FRMD8: variants seen among roughly 807,000 people sequenced by gnomAD.
The protein encoded by FRMD8 is FERM domain containing 8, also known as FERM domain-containing protein 8.
Under a neutral mutation model 54.2 loss-of-function variants are expected in FRMD8, and 37 were observed. That is an observed-to-expected ratio of 0.68 (90% CI 0.53 to 0.90). The LOEUF (loss-of-function observed/expected upper bound fraction) is 0.90, where lower values mean the gene tolerates loss of function less well. Among genes scored for constraint, FRMD8 ranks in the 40% least tolerant of loss-of-function variants. The pLI, the probability that FRMD8 is intolerant of heterozygous loss-of-function variation, is 0.00. For synonymous variants in FRMD8, 246 were observed against 286.9 expected (o/e 0.86, Z 1.44); for missense variants, 585 against 653.7 (o/e 0.89, Z 1.15).
chr11:65,370,428 G>A, the FRMD8 span, among the ~76,000 whole-genome samples: 3 of 146,600 alleles, frequency 2.0e-5, no homozygotes, highest in Admixed American at 6.7e-5. Flanking sequence ...TGGGCCAGGC[G>A]CGGTGGCTCA....
At chr11:65,380,345 C>A in the FRMD8 span, 2 of 1,023,500 alleles carry the variant, frequency 2.0e-6, no homozygotes, top group Non-Finnish European at 2.8e-6. Context: ...GCCCCTGCCA[C>A]CCCCTCCACA....
intron 10 of FRMD8, among the ~76,000 whole-genome samples, chr11:65,407,355 G>A (rs747093900): frequency 4.0e-5 from 6 of 151,730 alleles, no homozygotes; most frequent in Non-Finnish European, 7.4e-5. Context: ...GGGTTCAAGC[G>A]ATTCTCCTGC....
At chr11:65,377,179 A>G in the FRMD8 span, 1 of 1,478,936 alleles carries the variant, frequency 6.8e-7, no homozygotes, top group African/African-American at 1.4e-5. Flanking sequence ...CACATCTTCC[A>G]GTCCCTCAGG....
At chr11:65,409,659 G>C (rs1856286168) in intron 10 of FRMD8, among the ~76,000 whole-genome samples, 1 of 151,922 alleles carries the variant, frequency 6.6e-6, no homozygotes, top group Non-Finnish European at 1.5e-5. Flanking sequence ...CCAGCTAGTT[G>C]GGAGGCTGAG....
At chr11:65,382,098 G>A, upstream of FRMD8, 1 of 722,324 alleles carries the variant, frequency 1.4e-6, no homozygotes. The surrounding 1 kb of genome is among the most constrained non-coding windows in gnomAD (Gnocchi z 4.4). Flanking sequence ...CAGACCTCCG[G>A]CAACTGGCAG....
At chr11:65,385,981 A>G (rs1392459602), upstream of FRMD8, among the ~76,000 whole-genome samples, 6 of 152,040 alleles carry the variant, frequency 3.9e-5, no homozygotes, top group African/African-American at 1.4e-4. Flanking sequence ...TATTTTTAGT[A>G]GAGACGGGGT....
At chr11:65,408,157 C>T (rs1297832950) in intron 10 of FRMD8, among the ~76,000 whole-genome samples, 2 of 151,478 alleles carry the variant, frequency 1.3e-5, no homozygotes, top group East Asian at 3.9e-4. Context: ...TCACCGCAAC[C>T]TCCACCTCCC....
At position 65,411,615 on chromosome 11, in the gene FRMD8, T is replaced by C; in HGVS notation, c.*255T>C. 1 of 384,150 alleles carries C rather than the reference T, an allele frequency of 2.6e-6. No individual in the cohort carries two copies. Among genetic ancestry groups the C allele is most frequent in the Non-Finnish European group, 4.7e-6 (1 of 212,818 alleles). 23.8% of individuals were successfully genotyped at this position (384,150 alleles called of 1,614,324 possible). ...CCCCGGATGCTGGGCCCTGCTGCTC[T>C]CTCAGGACCATCCGATCAAGCTGCA... On this transcript the variant is annotated 3_prime_UTR_variant, in exon 11 of 11. Transcript: ENST00000317568.
upstream of FRMD8, chr11:65,386,561 T>G (rs990545987): frequency 1.2e-5 from 2 of 160,330 alleles, no homozygotes; most frequent in African/African-American, 2.4e-5. Context: ...GGGGCGGCCC[T>G]GGGCTCCCAT....
chr11:65,369,303 G>A, the FRMD8 span, among the ~76,000 whole-genome samples: 13 of 152,072 alleles, frequency 8.5e-5, no homozygotes, highest in Non-Finnish European at 1.6e-4. Context: ...GGGCATGTGC[G>A]GCTGGGCACA....
At chr11:65,380,378 C>T in the FRMD8 span, 1 of 932,812 alleles carries the variant, frequency 1.1e-6, no homozygotes, top group Non-Finnish European at 1.6e-6. Context: ...CAGGAAGGCA[C>T]TGGGACAAGG....
the FRMD8 span, chr11:65,380,432 G>T: frequency 9.6e-7 from 1 of 1,042,476 alleles, no homozygotes; most frequent in African/African-American, 1.6e-5. Flanking sequence ...ACCCAAGAGG[G>T]AAGAGCCAGC....
upstream of FRMD8, chr11:65,381,702 G>T: frequency 1.8e-6 from 1 of 560,838 alleles, no homozygotes; most frequent in Middle Eastern, 5.1e-4. Flanking sequence ...CTACAGGTGT[G>T]AGCCACCATG....
chr11:65,390,358 G>A (rs1855819338), intron 3 of FRMD8, among the ~76,000 whole-genome samples: 1 of 152,206 alleles, frequency 6.6e-6, no homozygotes, highest in South Asian at 2.1e-4. Context: ...TAGGCCGGGC[G>A]AGTTTTCTTA....
the FRMD8 span, among the ~76,000 whole-genome samples, chr11:65,368,549 GT>G: frequency 3.4e-5 from 5 of 146,392 alleles, no homozygotes; most frequent in Non-Finnish European, 7.7e-5. Flanking sequence ...GCCAGCTAGA[GT>G]TTTGTTTTGT....
the FRMD8 span, chr11:65,380,334 T>C: frequency 9.1e-7 from 1 of 1,092,982 alleles, no homozygotes; most frequent in South Asian, 1.5e-5. Flanking sequence ...AGACTCCAGC[T>C]GCCCCTGCCA....
the FRMD8 span, among the ~76,000 whole-genome samples, chr11:65,372,238 G>A: frequency 6.6e-6 from 1 of 152,114 alleles, no homozygotes; most frequent in South Asian, 2.1e-4. Context: ...GAATCTCTCT[G>A]GCCCCTTCCT....
In FRMD8 at chr11:65,396,875, G is replaced by A. The variant is rs1855968019; in HGVS notation, c.658G>A (p.Gly220Arg). The A allele has an allele frequency of 1.9e-6, 3 of 1,558,136 alleles. No individual in the cohort carries two copies. The East Asian group carries it at 7.3e-5, about 38-fold the overall frequency. The change falls in exon 7 of 11, where the codon GGG (glycine) becomes AGG (arginine). Residue 220 changes from glycine to arginine, a missense_variant. Transcript: ENST00000317568. ...TCTCTTTGCTGCCCTCCGGGGCCGTGGGGCCAGGGCCGGGCCGGGCGAGCA... is the reference window on the plus strand; with the variant it reads ...TCTCTTTGCTGCCCTCCGGGGCCGTAGGGCCAGGGCCGGGCCGGGCGAGCA... ...QSLFAALRGRGARAGPGEQGL... is the reference protein window; with the variant it reads ...QSLFAALRGRRARAGPGEQGL...
At chr11:65,371,763 T>C in the FRMD8 span, among the ~76,000 whole-genome samples, 6 of 152,278 alleles carry the variant, frequency 3.9e-5, no homozygotes, top group South Asian at 2.1e-4. Context: ...TACAGGTGCG[T>C]GCCACCATGC....
Sources: allele counts gnomAD v4.1 joint callset (sites outside exome capture counted in the v4.1 genomes callset), GRCh38; gene constraint gnomAD v4.1.1; non-coding constraint Gnocchi (gnomAD v3.1); transcripts MANE v1.5; gene names NCBI Gene and HGNC (gene_info 2026-07-23, HGNC 2026-07-21).